TNIP1: variants seen among roughly 807,000 people sequenced by gnomAD.
TNIP1 encodes TNFAIP3-interacting protein 1.
A neutral mutation model predicts 86.6 loss-of-function variants in TNIP1; 22 were observed. The ratio of observed to expected loss-of-function variants is 0.25; its 90% CI spans 0.18 to 0.36. The LOEUF is 0.36. TNIP1 is among the 10% of genes least tolerant of loss of function. The probability of loss-of-function intolerance (pLI) is 1.00; values close to 1 mark genes in which losing one functional copy is unlikely to be tolerated. For missense variants in TNIP1, 709 were observed against 820.6 expected, an observed-to-expected ratio of 0.86 and a Z score of 1.66; for synonymous variants, 294 against 313.0, an observed-to-expected ratio of 0.94 and a Z score of 0.64.
upstream of TNIP1, among the ~76,000 whole-genome samples, chr5:151,082,801 C>T (rs2113862539): frequency 6.6e-6 from 1 of 152,278 alleles, no homozygotes; most frequent in South Asian, 2.1e-4. Flanking sequence ...TTAACAGTTC[C>T]AATTTGTGAG....
At chr5:151,049,674 CCAA>C in intron 8 of TNIP1, 147 bp downstream of exon 8, 3 of 943,144 alleles carry the variant, frequency 3.2e-6, no homozygotes, top group Non-Finnish European at 3.2e-6. Context: ...GGAGGTCAGG[CCAA>C]GTAAAGAAAA....
chr5:151,065,078 C>T lies in TNIP1; in HGVS notation c.18G>A (p.Pro6=), dbSNP rs765807266. 2.4e-5 allele frequency: 38 copies of T among 1,613,646 alleles called. No individual in the cohort carries two copies. Among genetic ancestry groups the T allele is most frequent in the Non-Finnish European group, 2.5e-5 (30 of 1,179,988 alleles). The change falls in exon 2 of 18, where the codon CCG becomes CCA. Residue 6 remains proline (P), a synonymous_variant. Transcript: ENST00000521591. The part of the protein sequence containing the change: MEGRG[P]YRIYDPGGSV... ...TGCCCCCAGGGTCGTAGATCCGGTA[C>T]GGTCCTCTCCCTTCCATGAGGGTAG...
intron 6 of TNIP1, among the ~76,000 whole-genome samples, chr5:151,056,427 G>T (rs1365192046): frequency 2.0e-5 from 3 of 152,152 alleles, no homozygotes; most frequent in African/African-American, 7.2e-5. Context: ...TGCCTACCCT[G>T]GGGGGAAAGA....
At chr5:151,070,451 T>C (rs1465164668) in intron 1 of TNIP1, among the ~76,000 whole-genome samples, 1 of 152,192 alleles carries the variant, frequency 6.6e-6, no homozygotes, top group East Asian at 1.9e-4. Context: ...GTCAGCTCAG[T>C]AAGCTAGGTT....
intron 1 of TNIP1, among the ~76,000 whole-genome samples, chr5:151,071,194 C>T (rs1025870701): frequency 1.3e-5 from 2 of 152,200 alleles, no homozygotes; most frequent in African/African-American, 4.8e-5. Flanking sequence ...GGACACAGCA[C>T]ATACTTGAGA....
Position 151,064,948 on chromosome 5 carries a change from G to T in TNIP1, c.136+12C>A, listed in dbSNP as rs1384732410. 1.2e-6 allele frequency: 2 copies of T among 1,613,906 alleles called. No homozygotes were observed. Among genetic ancestry groups the T allele is most frequent in the South Asian group, 1.1e-5 (1 of 91,072 alleles). On this transcript the variant is annotated intron_variant, in intron 2 of 17. Coordinates refer to ENST00000521591, the MANE Select transcript of TNIP1 (RefSeq NM_006058.5). ...AGGGGCGCTCGCAGGGAGGGGACAGGGTCTGCTTTACCTAACATCTTTATC... is the reference window on the plus strand; with the variant it reads ...AGGGGCGCTCGCAGGGAGGGGACAGTGTCTGCTTTACCTAACATCTTTATC...
At chr5:151,064,284 C>T (rs1761966444) in intron 2 of TNIP1, among the ~76,000 whole-genome samples, 1 of 152,234 alleles carries the variant, frequency 6.6e-6, no homozygotes, top group African/African-American at 2.4e-5. Context: ...TTTTAAAAAT[C>T]AGGGGGCTAT....
intron 5 of TNIP1, among the ~76,000 whole-genome samples, chr5:151,059,213 G>A (rs1761069909): frequency 6.6e-6 from 1 of 152,226 alleles, no homozygotes; most frequent in Non-Finnish European, 1.5e-5. Context: ...AAAGTTATCG[G>A]TCCAAAGTCA....
Position 151,036,939 on chromosome 5 carries a change from T to C in TNIP1, c.1264-18A>G. 3 of 1,582,170 alleles carry C rather than the reference T, an allele frequency of 1.9e-6. No individual in the cohort carries two copies. Among genetic ancestry groups the C allele is most frequent in the South Asian group, 1.1e-5 (1 of 87,126 alleles). On this transcript the variant is annotated intron_variant, in intron 12 of 17. Coordinates refer to ENST00000521591, the MANE Select transcript of TNIP1 (RefSeq NM_006058.5). The stretch of plus-strand genomic sequence containing the variant: ...TCCAGGGCCTGGAATCAGGAAAAGA[T>C]GGGACCATCAGCAGGAACCCCTGGA...
intron 16 of TNIP1, 78 bp from the exon 17 acceptor site, chr5:151,032,461 T>A: frequency 7.5e-7 from 1 of 1,336,150 alleles, no homozygotes; most frequent in Non-Finnish European, 1.1e-6. Context: ...AGGACAATAC[T>A]AAATCTGTAT....
upstream of TNIP1, among the ~76,000 whole-genome samples, chr5:151,084,097 C>A (rs1181584253): frequency 6.6e-6 from 1 of 152,210 alleles, no homozygotes; most frequent in Admixed American, 6.5e-5. Flanking sequence ...CAAAGTCTTG[C>A]CAGCTAGCAA....
At chr5:151,040,167 T>C (rs531369626) in intron 11 of TNIP1, among the ~76,000 whole-genome samples, 1 of 152,282 alleles carries the variant, frequency 6.6e-6, no homozygotes, top group South Asian at 2.1e-4. Flanking sequence ...ATAAACTATA[T>C]ATTCCTATGT....
At chr5:151,087,318 T>C (rs1034846460), upstream of TNIP1, among the ~76,000 whole-genome samples, 1 of 152,142 alleles carries the variant, frequency 6.6e-6, no homozygotes, top group African/African-American at 2.4e-5. Context: ...AGCCTCCACC[T>C]GTCACTTCCC....
chr5:151,037,830 G>A (rs577967228), intron 12 of TNIP1, among the ~76,000 whole-genome samples: 2 of 152,300 alleles, frequency 1.3e-5, no homozygotes, highest in East Asian at 3.9e-4. Flanking sequence ...AGCTCCCCTA[G>A]ACACGCAAAG....
chr5:151,059,828 A>AGAGAGAGAGTGTGTGT (rs1554076446), intron 5 of TNIP1, among the ~76,000 whole-genome samples: 3 of 56,420 alleles, frequency 5.3e-5, no homozygotes, highest in Admixed American at 2.1e-4. Flanking sequence ...AGAGAGAGAG[A>AGAGAGAGAGTGTGTGT]GTGTGTGTGT....
At chr5:151,059,779 C>CAG (rs55637016) in intron 5 of TNIP1, among the ~76,000 whole-genome samples, 1,298 of 67,290 alleles carry the variant, frequency 0.019, 17 homozygotes, top group Non-Finnish European at 0.026. Context: ...GTACGAGAGA[C>CAG]AGAGAGAGAG....
intron 5 of TNIP1, among the ~76,000 whole-genome samples, chr5:151,057,525 C>T (rs75624930): frequency 1.3e-5 from 2 of 152,072 alleles, no homozygotes; most frequent in East Asian, 1.9e-4. Flanking sequence ...GAGATCAAGA[C>T]GGCCTGAGTG....
At chr5:151,085,753 G>C (rs1019495857), upstream of TNIP1, among the ~76,000 whole-genome samples, 1 of 152,200 alleles carries the variant, frequency 6.6e-6, no homozygotes, top group African/African-American at 2.4e-5. Context: ...TTGCATCCAG[G>C]GTTGCCCCTT....
At chr5:151,065,214 C>A in intron 1 of TNIP1, 83 bp from the exon 2 acceptor site, 4 of 1,233,820 alleles carry the variant, frequency 3.2e-6, no homozygotes, top group Non-Finnish European at 4.5e-6. Context: ...CTGTCAATGC[C>A]CCAGAAGGCA....
Sources: allele counts gnomAD v4.1 joint callset (sites outside exome capture counted in the v4.1 genomes callset), GRCh38; gene constraint gnomAD v4.1.1; transcripts MANE v1.5; gene names NCBI Gene and HGNC (gene_info 2026-07-23, HGNC 2026-07-21).